The following RNPS1 variants were observed in gnomAD, a reference collection of about 807,000 sequenced individuals.
RNPS1 encodes RNA-binding protein with serine-rich domain 1.
For missense variants in RNPS1, 300 were observed against 427.6 expected (o/e 0.70, Z 2.63); for synonymous variants, 147 against 150.0 (o/e 0.98, Z 0.15).
chr16:2,254,885 G>A (rs906406179), intron 7 of RNPS1, among the ~76,000 whole-genome samples: 4 of 151,598 alleles, frequency 2.6e-5, no homozygotes, highest in African/African-American at 7.3e-5. Flanking sequence ...GGGACTACAG[G>A]CACCCACCAC....
At position 2,266,306 on chromosome 16, in the gene RNPS1, G is replaced by A. The variant is rs560123220; in HGVS notation, c.-117-1546C>T. 2.8e-5 allele frequency: 28 copies of A among 985,420 alleles called. No homozygotes were observed. In the East Asian group the frequency reaches 2.8e-3, roughly 100 times the overall value. 61.0% of individuals were successfully genotyped at this position (985,420 alleles called of 1,614,324 possible). ...CCACCTTTGCTGCTCTTGTCCAGGG[G>A]TAAAATGTTTTGCTTTAGAACAGTA... On this transcript the variant is annotated intron_variant, in intron 1 of 7. Coordinates refer to ENST00000320225, the MANE Select transcript of RNPS1 (RefSeq NM_080594.4).
At chr16:2,267,933 C>G (rs1276605352) in intron 1 of RNPS1, 122 bp downstream of exon 1, 2 of 1,528,750 alleles carry the variant, frequency 1.3e-6, no homozygotes, top group Non-Finnish European at 1.7e-6. Flanking sequence ...GAGCCCGCAC[C>G]GCGCTGCCAG....
At chr16:2,263,700 C>G (rs373210652) in intron 3 of RNPS1, among the ~76,000 whole-genome samples, 8 of 152,056 alleles carry the variant, frequency 5.3e-5, no homozygotes, top group African/African-American at 1.9e-4. Context: ...GCAGCTTCAA[C>G]CCCCTGGAAT....
chr16:2,267,170 T>C, intron 1 of RNPS1: 1 of 985,116 alleles, frequency 1.0e-6, no homozygotes. Flanking sequence ...AGGTTCTCTG[T>C]TCACCCAAGT....
At chr16:2,254,500 T>G (rs1249905811) in intron 7 of RNPS1, among the ~76,000 whole-genome samples, 1 of 152,070 alleles carries the variant, frequency 6.6e-6, no homozygotes, top group Non-Finnish European at 1.5e-5. Flanking sequence ...GGTTTCACCG[T>G]GTTAGCCAGG....
At position 2,266,667 on chromosome 16, in the gene RNPS1, G is replaced by A. The variant is rs143071467; in HGVS notation, c.-118+1388C>T. On this transcript the variant is annotated intron_variant, in intron 1 of 7. Coordinates refer to ENST00000320225, the MANE Select transcript of RNPS1 (RefSeq NM_080594.4). Reference sequence around the variant, plus strand: ...ACACTAATTTCTGAACTCTCAGCTGGGTTCCTGCACCCACCCGCCTTCGAA... The same window carrying A: ...ACACTAATTTCTGAACTCTCAGCTGAGTTCCTGCACCCACCCGCCTTCGAA... 37 of 985,342 alleles carry A rather than the reference G, an allele frequency of 3.8e-5. 1 individual carries two copies. The East Asian group carries it at 4.2e-3, about 112-fold the overall frequency. 61.0% of individuals were successfully genotyped at this position (985,342 alleles called of 1,614,324 possible).
At chr16:2,263,361 G>GT (rs2093611410) in intron 3 of RNPS1, 74 bp from the exon 4 acceptor site, 1 of 1,481,746 alleles carries the variant, frequency 6.7e-7, no homozygotes, top group Admixed American at 1.8e-5. Flanking sequence ...CAATTCTGTT[G>GT]TGCTCCCCCC....
chr16:2,257,534 A>G (rs2093584292), intron 6 of RNPS1: 1 of 152,178 alleles, frequency 6.6e-6, no homozygotes, highest in Non-Finnish European at 1.5e-5. Context: ...GGGGAGACAC[A>G]CAAAAAAAAT....
chr16:2,258,709 G>C (rs1003476998), intron 6 of RNPS1: 2 of 152,026 alleles, frequency 1.3e-5, no homozygotes, highest in Non-Finnish European at 2.9e-5. Flanking sequence ...GTGGGCGACA[G>C]AGCAAGACTC....
intron 6 of RNPS1, chr16:2,256,584 G>C (rs1260632813): frequency 6.6e-6 from 1 of 152,346 alleles, no homozygotes; most frequent in Non-Finnish European, 1.5e-5. Flanking sequence ...AGTAAAGAAT[G>C]TGCTGGAATC....
rs754591867 is a variant in RNPS1, at chr16:2,264,305, T to A, written c.98A>T (p.Asp33Val). Reference protein sequence around the residue: ...TRAPSPTKRKDRSDEKSKDRS... With the variant: ...TRAPSPTKRKVRSDEKSKDRS... The stretch of plus-strand genomic sequence containing the variant: ...ATCCTTGGACTTCTCATCTGAGCGG[T>A]CTTTGCGTTTGGTAGGTGAAGGAGC... The change falls in exon 3 of 8, where the codon GAC becomes GTC. Residue 33 changes from aspartate to valine, a missense_variant. Asp to Val is a radical substitution (Grantham distance 152). Transcript: ENST00000320225. The A allele has an allele frequency of 5.0e-6, 8 of 1,614,078 alleles. No homozygotes were observed. Among genetic ancestry groups the A allele is most frequent in the African/African-American group, 1.3e-5 (1 of 74,916 alleles).
intron 6 of RNPS1, 89 bp from the exon 7 acceptor site, chr16:2,255,815 C>A: frequency 1.5e-6 from 2 of 1,365,734 alleles, no homozygotes; most frequent in Non-Finnish European, 2.0e-6. Flanking sequence ...CCTGGGGGGA[C>A]AATGACAATG....
At chr16:2,260,435 T>C (rs567781084) in intron 6 of RNPS1, among the ~76,000 whole-genome samples, 309 of 152,320 alleles carry the variant, frequency 2.0e-3, no homozygotes, top group Non-Finnish European at 3.7e-3. Flanking sequence ...TCTTAATTTA[T>C]AGCAATATAG....
At chr16:2,261,295 A>G (rs2093602045) in intron 6 of RNPS1, among the ~76,000 whole-genome samples, 1 of 152,204 alleles carries the variant, frequency 6.6e-6, no homozygotes, top group African/African-American at 2.4e-5. Context: ...AACAGCAGCA[A>G]CCTACTTCTA....
intron 6 of RNPS1, chr16:2,255,974 A>C (rs533579383): frequency 3.8e-5 from 18 of 471,786 alleles, no homozygotes; most frequent in South Asian, 3.6e-4. Context: ...AAAGACAATA[A>C]ATCAGCTGTG....
At chr16:2,263,806 G>T in intron 3 of RNPS1, 1 of 270,288 alleles carries the variant, frequency 3.7e-6, no homozygotes, top group Non-Finnish European at 7.1e-6. Flanking sequence ...CAAACTCCTG[G>T]GCTCAAGCCA....
chr16:2,265,187 A>G (rs2093620185), intron 1 of RNPS1: 1 of 152,766 alleles, frequency 6.5e-6, no homozygotes, highest in South Asian at 2.1e-4. Flanking sequence ...TCCCCTTAGG[A>G]TACACTGGAT....
chr16:2,266,549 G>A (rs2093625919), intron 1 of RNPS1: 1 of 973,934 alleles, frequency 1.0e-6, no homozygotes, highest in Non-Finnish European at 1.2e-6. Context: ...AGTTACCCAG[G>A]GCATTAATTA....
intron 6 of RNPS1, among the ~76,000 whole-genome samples, chr16:2,261,279 G>A (rs1465453800): frequency 1.3e-5 from 2 of 152,112 alleles, no homozygotes; most frequent in African/African-American, 4.8e-5. Flanking sequence ...CTAAACTTGG[G>A]AAGAAAACAG....
Sources: gnomAD v4.1 joint callset for allele counts (sites outside exome capture counted in the v4.1 genomes callset) on GRCh38, gnomAD v4.1.1 for gene constraint, MANE v1.5 for transcripts, NCBI Gene and HGNC (gene_info 2026-07-23, HGNC 2026-07-21) for gene names.